TENM2: variants seen among roughly 807,000 people sequenced by gnomAD.
The protein encoded by TENM2 is teneurin transmembrane protein 2.
TENM2 carries 52 observed loss-of-function variants against 245.2 expected under a neutral mutation model. That is an observed-to-expected ratio of 0.21 (90% CI 0.17 to 0.27). TENM2 has a LOEUF of 0.27. Among genes scored for constraint, TENM2 ranks in the 10% least tolerant of loss-of-function variants. The probability of loss-of-function intolerance (pLI) is 1.00; values close to 1 mark genes in which losing one functional copy is unlikely to be tolerated. For missense variants in TENM2, 3,046 were observed against 3,666.8 expected (o/e 0.83, Z 4.37); for synonymous variants, 1,363 against 1,438.9 (o/e 0.95, Z 1.19).
chr5:167,688,943 A>AT (rs200048248), intron 2 of TENM2, among the ~76,000 whole-genome samples: 59 of 151,650 alleles, frequency 3.9e-4, no homozygotes, highest in Admixed American at 1.1e-3. Context: ...CTGACAGAAC[A>AT]TTTTTTTTTC....
chr5:167,948,053 A>G (rs1482826634), intron 3 of TENM2, among the ~76,000 whole-genome samples: 1 of 152,194 alleles, frequency 6.6e-6, no homozygotes, highest in African/African-American at 2.4e-5. Flanking sequence ...GAATGCAACA[A>G]CAATAGTCGA....
At chr5:167,591,052 T>C (rs1237618418) in intron 2 of TENM2, among the ~76,000 whole-genome samples, 1 of 152,196 alleles carries the variant, frequency 6.6e-6, no homozygotes, top group African/African-American at 2.4e-5. Flanking sequence ...TTTATGTCAG[T>C]AATAATTGCA....
chr5:167,893,048 T>C (rs887672934), intron 3 of TENM2, among the ~76,000 whole-genome samples: 2 of 152,144 alleles, frequency 1.3e-5, no homozygotes, highest in African/African-American at 4.8e-5. Flanking sequence ...CTGGCGGCAA[T>C]GTGGAGGGAG....
At chr5:167,517,808 G>A (rs887393809) in intron 2 of TENM2, among the ~76,000 whole-genome samples, 1 of 152,068 alleles carries the variant, frequency 6.6e-6, no homozygotes, top group Admixed American at 6.6e-5. Context: ...GACTTCTGTT[G>A]TGTCCCCCAA....
At chr5:168,032,287 C>G (rs1311978187) in intron 5 of TENM2, among the ~76,000 whole-genome samples, 1 of 152,148 alleles carries the variant, frequency 6.6e-6, no homozygotes, top group East Asian at 1.9e-4. Context: ...AAACAGTAAG[C>G]ACTATATTCG....
At chr5:167,990,729 T>C (rs1783604022) in intron 4 of TENM2, among the ~76,000 whole-genome samples, 3 of 152,236 alleles carry the variant, frequency 2.0e-5, no homozygotes, top group African/African-American at 7.2e-5. Context: ...TTCTAGGCTT[T>C]ATTTTAACAT....
intron 2 of TENM2, among the ~76,000 whole-genome samples, chr5:167,858,136 G>A (rs1164229844): frequency 6.6e-6 from 1 of 152,220 alleles, no homozygotes; most frequent in African/African-American, 2.4e-5. Flanking sequence ...CATAGCAAAA[G>A]CAAGACACAG....
chr5:167,295,023 A>G (rs907619833), intron 1 of TENM2, among the ~76,000 whole-genome samples: 4 of 152,152 alleles, frequency 2.6e-5, no homozygotes, highest in African/African-American at 9.7e-5. Flanking sequence ...TCTCTTGATG[A>G]GTGACTCAGC....
the TENM2 span, among the ~76,000 whole-genome samples, chr5:166,984,815 C>T: frequency 6.6e-6 from 1 of 151,890 alleles, no homozygotes; most frequent in South Asian, 2.1e-4. Context: ...ATAATTTTTC[C>T]AAGCCATTTC....
chr5:167,420,597 C>T (rs1362767978), intron 2 of TENM2, among the ~76,000 whole-genome samples: 1 of 152,188 alleles, frequency 6.6e-6, no homozygotes, highest in Admixed American at 6.5e-5. Flanking sequence ...TGTTCTGCCT[C>T]AGGTATCTTC....
intron 2 of TENM2, among the ~76,000 whole-genome samples, chr5:167,708,790 T>C (rs1561693852): frequency 2.0e-5 from 3 of 152,178 alleles, no homozygotes; most frequent in Non-Finnish European, 4.4e-5. Context: ...AGTTGTTTGC[T>C]CTAACTGACT....
At chr5:167,299,511 G>T (rs2127733438) in intron 1 of TENM2, among the ~76,000 whole-genome samples, 1 of 152,252 alleles carries the variant, frequency 6.6e-6, no homozygotes, top group South Asian at 2.1e-4. Context: ...TAATCCTTGA[G>T]AAGTAGTAGA....
intron 25 of TENM2, among the ~76,000 whole-genome samples, chr5:168,234,938 G>A (rs555718920): frequency 6.6e-6 from 1 of 152,226 alleles, no homozygotes; most frequent in South Asian, 2.1e-4. Context: ...ATTTTGTTTT[G>A]GCTCCCATAT....
At chr5:167,999,166 G>T (rs561835972) in intron 5 of TENM2, among the ~76,000 whole-genome samples, 2 of 152,288 alleles carry the variant, frequency 1.3e-5, no homozygotes, top group South Asian at 4.2e-4. Context: ...TATCTGGAGA[G>T]ATGGGAAACC....
At chr5:167,844,944 C>G (rs2151174921) in intron 2 of TENM2, among the ~76,000 whole-genome samples, 1 of 151,628 alleles carries the variant, frequency 6.6e-6, no homozygotes, top group East Asian at 2.0e-4. Flanking sequence ...TCTCTAATAT[C>G]CTCCTCCCTC....
At chr5:167,090,736 C>G in the TENM2 span, among the ~76,000 whole-genome samples, 9 of 152,248 alleles carry the variant, frequency 5.9e-5, no homozygotes, top group Admixed American at 5.2e-4. Context: ...GACATCAATG[C>G]AACAAATAGT....
chr5:167,284,655 C>G (rs1771233664), upstream of TENM2: 5 of 597,788 alleles, frequency 8.4e-6, no homozygotes, highest in East Asian at 2.8e-5. Flanking sequence ...TTGTGCAGGG[C>G]TGACCAAGGC....
At chr5:167,498,112 G>C (rs373736375) in intron 2 of TENM2, among the ~76,000 whole-genome samples, 1 of 152,062 alleles carries the variant, frequency 6.6e-6, no homozygotes, top group African/African-American at 2.4e-5. Flanking sequence ...GGGCAGGGAG[G>C]GGGTGAGTTT....
chr5:168,047,335 A>C, intron 5 of TENM2, 92 bp from the exon 8 acceptor site: 1 of 1,442,200 alleles, frequency 6.9e-7, no homozygotes, highest in East Asian at 2.5e-5. Flanking sequence ...CTCAAAAGGC[A>C]ATCGCTTGGA....
Sources: allele counts gnomAD v4.1 joint callset (sites outside exome capture counted in the v4.1 genomes callset), GRCh38; gene constraint gnomAD v4.1.1; transcripts MANE v1.5; gene names NCBI Gene and HGNC (gene_info 2026-07-23, HGNC 2026-07-21).